Variants in EHMT1 observed in about 807,000 individuals in gnomAD.
The protein encoded by EHMT1 is euchromatic histone lysine methyltransferase 1.
EHMT1 carries 15 observed loss-of-function variants against 147.2 expected under a neutral mutation model. The observed-to-expected ratio is 0.10, with a 90% CI of 0.07 to 0.16. EHMT1 has a LOEUF of 0.16. Among genes scored for constraint, EHMT1 ranks in the 10% least tolerant of loss-of-function variants. EHMT1 has a pLI of 1.00. For synonymous variants in EHMT1, 795 were observed against 709.6 expected, an observed-to-expected ratio of 1.12 and a Z score of -1.91; for missense variants, 1,587 against 1,772.4, an observed-to-expected ratio of 0.90 and a Z score of 1.88.
chr9:137,724,970 ATTCGTGT>A (rs1946463479), intron 3 of EHMT1, among the ~76,000 whole-genome samples: 1 of 147,570 alleles, frequency 6.8e-6, no homozygotes, highest in African/African-American at 2.5e-5. Context: ...TTCATGGGGC[ATTCGTGT>A]GGCAGACGTG....
At chr9:137,740,396 T>C (rs530322335) in intron 4 of EHMT1, among the ~76,000 whole-genome samples, 16 of 152,050 alleles carry the variant, frequency 1.1e-4, no homozygotes, top group South Asian at 6.3e-4. Context: ...CCCCGCTTCT[T>C]TGAGGCCTGG....
At chr9:137,646,558 C>CGTGT (rs1234215529) in intron 1 of EHMT1, 1 of 457,104 alleles carries the variant, frequency 2.2e-6, no homozygotes, top group Non-Finnish European at 2.7e-6. Flanking sequence ...GGCCCCCGAG[C>CGTGT]GTGTGGGCTG....
At chr9:137,785,015 G>A (rs1454791896) in intron 15 of EHMT1, 1 of 154,252 alleles carries the variant, frequency 6.5e-6, no homozygotes, top group African/African-American at 2.4e-5. Context: ...TGGTCGTCCA[G>A]ACACAGGCAG....
At chr9:137,719,605 C>T (rs1026570051) in intron 3 of EHMT1, among the ~76,000 whole-genome samples, 1 of 152,190 alleles carries the variant, frequency 6.6e-6, no homozygotes, top group African/African-American at 2.4e-5. Flanking sequence ...TACAGTGTCA[C>T]AGGAAACTGC....
In EHMT1 at chr9:137,790,947, G is replaced by A; in HGVS notation, c.2482G>A (p.Ala828Thr). 6.2e-7 allele frequency: 1 copy of A among 1,614,190 alleles called. No individual in the cohort carries two copies. Among genetic ancestry groups the A allele is most frequent in the South Asian group, 1.1e-5 (1 of 91,080 alleles). ...GGAAGCAGTGAAGTACCTCATCAAG[G>A]CTGGGGCCCTGGTGGATCCCAAGGT... The part of the protein sequence containing the change: ...HLEAVKYLIK[A>T]GALVDPKDAE... The change falls in exon 16 of 27, where the codon GCT becomes ACT. Residue 828 changes from alanine (A) to threonine (T), a missense_variant. Transcript: ENST00000460843.
At chr9:137,817,853 G>A (rs746155209) in intron 24 of EHMT1, 31 of 637,508 alleles carry the variant, frequency 4.9e-5, no homozygotes, top group Non-Finnish European at 6.9e-5. Context: ...GACCGCAGAC[G>A]CAGAGCTTTC....
rs575658457 is a variant in EHMT1 at position 137,712,351 on chromosome 9, G to A, written c.85+1321G>A. On this transcript the variant is annotated intron_variant, in intron 2 of 26. Transcript: ENST00000460843. ...CCTTACACACTGCCGCTGAGCCACG[G>A]CCTCTCCACCCTGGGGGAACTGCTG... Among the ~76,000 whole-genome samples the A allele has an allele frequency of 1.3e-5, 2 of 152,280 alleles. 1 individual carries two copies. Among genetic ancestry groups the A allele is most frequent in the African/African-American group, 4.8e-5 (2 of 41,546 alleles).
intron 1 of EHMT1, among the ~76,000 whole-genome samples, chr9:137,696,376 C>T (rs995180575): frequency 6.6e-6 from 1 of 152,116 alleles, no homozygotes; most frequent in Non-Finnish European, 1.5e-5. Context: ...TTACAGTTCC[C>T]AAGGAGAAGA....
intron 6 of EHMT1, among the ~76,000 whole-genome samples, chr9:137,744,877 C>T (rs1948416352): frequency 1.3e-5 from 2 of 152,262 alleles, no homozygotes; most frequent in African/African-American, 4.8e-5. Context: ...GGTATGGGCA[C>T]CTGGGCCAGT....
At chr9:137,746,752 G>C (rs1310309690) in intron 6 of EHMT1, 2 of 152,144 alleles carry the variant, frequency 1.3e-5, no homozygotes, top group Non-Finnish European at 2.9e-5. Flanking sequence ...CTTACTGACT[G>C]ACATTTCTTC....
chr9:137,670,631 G>A (rs777192144), intron 1 of EHMT1, among the ~76,000 whole-genome samples: 2 of 152,076 alleles, frequency 1.3e-5, no homozygotes, highest in African/African-American at 2.4e-5. Flanking sequence ...GGTTTCCCTG[G>A]CCACCTGTCC....
intron 18 of EHMT1, among the ~76,000 whole-genome samples, chr9:137,805,869 G>T (rs1308543315): frequency 1.3e-5 from 2 of 150,956 alleles, no homozygotes; most frequent in African/African-American, 4.9e-5. Flanking sequence ...CACCATCTTG[G>T]TCAGGCTGGT....
intron 3 of EHMT1, among the ~76,000 whole-genome samples, chr9:137,721,204 CT>C (rs368287186): frequency 5.4e-5 from 7 of 128,478 alleles, no homozygotes; most frequent in African/African-American, 1.3e-4. Flanking sequence ...ACACTCACCC[CT>C]CCCAGACTTC....
At chr9:137,781,569 A>G (rs1485321991) in intron 14 of EHMT1, among the ~76,000 whole-genome samples, 1 of 152,216 alleles carries the variant, frequency 6.6e-6, no homozygotes, top group African/African-American at 2.4e-5. Context: ...AGCTATAGGT[A>G]TTTTATAACA....
chr9:137,659,258 A>G (rs1938810965), intron 1 of EHMT1, among the ~76,000 whole-genome samples: 1 of 151,776 alleles, frequency 6.6e-6, no homozygotes, highest in Non-Finnish European at 1.5e-5. Context: ...TTTCTGTGAA[A>G]TGTCTATAGA....
Position 137,776,915 on chromosome 9 carries a change from T to C in EHMT1, c.2018+71T>C. ...AAAAGTTTCAGTTGTTAACTCAACG[T>C]TATTGCTTCCTGCTGTTTTTTCCAG... On this transcript the variant is annotated intron_variant, in intron 12 of 26. Transcript: ENST00000460843. The surrounding 1 kb of genome is among the most constrained non-coding windows in gnomAD (Gnocchi z 4.4). 7.0e-7 allele frequency: 1 copy of C among 1,429,080 alleles called. No homozygotes were observed. Among genetic ancestry groups the C allele is most frequent in the Non-Finnish European group, 9.7e-7 (1 of 1,030,924 alleles). The allele number at this position is 1,429,080 out of a possible 1,614,324, so 88.5% of individuals were successfully genotyped here. A position where few individuals can be genotyped will look rare whatever the true frequency, so the allele number is the denominator to read the frequency against.
rs957436832 is a variant in EHMT1 at position 137,731,369 on chromosome 9, G to A, written c.823+2840G>A. The stretch of plus-strand genomic sequence containing the variant: ...AGTGGGCACAGAAGTTACAGTTTCT[G>A]TGCTAGAACGTGTTAACTAGAGAGG... On this transcript the variant is annotated intron_variant, in intron 4 of 26. Transcript: ENST00000460843. The surrounding 1 kb of genome is among the most constrained non-coding windows in gnomAD (Gnocchi z 4.3). Among the ~76,000 whole-genome samples the A allele has an allele frequency of 6.6e-6, 1 of 152,206 alleles. No homozygotes were observed. Among genetic ancestry groups the A allele is most frequent in the African/African-American group, 2.4e-5 (1 of 41,450 alleles).
chr9:137,640,298 A>G (rs779766800), intron 1 of EHMT1, among the ~76,000 whole-genome samples: 8 of 151,828 alleles, frequency 5.3e-5, no homozygotes, highest in Non-Finnish European at 1.2e-4. Context: ...TGTGTGTTTT[A>G]GAGACCTGGT....
chr9:137,787,980 A>G lies in EHMT1; in HGVS notation c.2383-2868A>G. On this transcript the variant is annotated intron_variant, in intron 15 of 26. Transcript: ENST00000460843. This position sits in a 1 kb window ranked among gnomAD's most constrained non-coding sequence, Gnocchi z 4.2. ...TCCCCCACTGGACAGCCCCCCAGGAACTGAGGTGCCCTGCAGTAAGTGGAG... is the reference window on the plus strand; with the variant it reads ...TCCCCCACTGGACAGCCCCCCAGGAGCTGAGGTGCCCTGCAGTAAGTGGAG... The G allele has an allele frequency of 6.8e-7, 1 of 1,479,072 alleles. No individual in the cohort carries two copies. Among genetic ancestry groups the G allele is most frequent in the African/African-American group, 1.4e-5 (1 of 72,470 alleles). 91.6% of individuals were successfully genotyped at this position (1,479,072 alleles called of 1,614,324 possible).
Sources: gnomAD v4.1 joint callset for allele counts (sites outside exome capture counted in the v4.1 genomes callset) on GRCh38, gnomAD v4.1.1 for gene constraint, Gnocchi (gnomAD v3.1) non-coding constraint, MANE v1.5 for transcripts, NCBI Gene and HGNC (gene_info 2026-07-23, HGNC 2026-07-21) for gene names.